CTCF: variants seen among roughly 807,000 people sequenced by gnomAD.
CTCF encodes transcriptional repressor CTCF.
In CTCF, 7 loss-of-function variants were observed where a neutral mutation model predicts 72.3. The observed-to-expected ratio is 0.10, with a 90% CI of 0.06 to 0.18. The LOEUF (loss-of-function observed/expected upper bound fraction) is 0.18, where lower values mean the gene tolerates loss of function less well. Ranked by LOEUF, CTCF falls within the 10% of genes least tolerant of loss-of-function variation. The pLI is 1.00. For synonymous variants in CTCF, 374 were observed against 315.8 expected, an observed-to-expected ratio of 1.18 and a Z score of -1.95; for missense variants, 516 against 949.1, an observed-to-expected ratio of 0.54 and a Z score of 6.00.
chr16:67,590,921 A>G (rs2051733914), intron 2 of CTCF, among the ~76,000 whole-genome samples: 1 of 140,640 alleles, frequency 7.1e-6, no homozygotes, highest in Non-Finnish European at 1.5e-5. Flanking sequence ...AGATGGCACC[A>G]TTGCACTCCA....
At chr16:67,613,238 A>G (rs1213742976) in intron 4 of CTCF, among the ~76,000 whole-genome samples, 2 of 152,218 alleles carry the variant, frequency 1.3e-5, no homozygotes, top group African/African-American at 2.4e-5. Flanking sequence ...TTTCATGCAG[A>G]ATAACTTCAT....
At chr16:67,623,116 T>C (rs2052227029) in intron 7 of CTCF, among the ~76,000 whole-genome samples, 1 of 150,240 alleles carries the variant, frequency 6.7e-6, no homozygotes, top group African/African-American at 2.5e-5. Context: ...TGCCCGCCCA[T>C]GGCTAATTTT....
chr16:67,582,463 C>T (rs575671776), intron 2 of CTCF, among the ~76,000 whole-genome samples: 4 of 152,144 alleles, frequency 2.6e-5, no homozygotes, highest in South Asian at 2.1e-4. Flanking sequence ...GAGGCTGAGG[C>T]GAACGGATCG....
At chr16:67,601,242 GTGTGTGTGTGTGTTT>G (rs1296589818) in intron 2 of CTCF, among the ~76,000 whole-genome samples, 1 of 147,872 alleles carries the variant, frequency 6.8e-6, no homozygotes, top group African/African-American at 2.5e-5. Flanking sequence ...GTGTGTGTGT[GTGTGTGTGTGTGTTT>G]TGTTTTGTTT....
chr16:67,581,047 G>C (rs1037726049), intron 2 of CTCF, among the ~76,000 whole-genome samples: 2 of 152,072 alleles, frequency 1.3e-5, no homozygotes, highest in Admixed American at 1.3e-4. Context: ...TCCTGCCTCA[G>C]CCTCCCGAGA....
intron 5 of CTCF, among the ~76,000 whole-genome samples, chr16:67,618,071 AT>A (rs2052156445): frequency 6.6e-6 from 1 of 152,176 alleles, no homozygotes; most frequent in Non-Finnish European, 1.5e-5. Flanking sequence ...TTACTGTTTA[AT>A]GTCCTAGCAA....
intron 2 of CTCF, among the ~76,000 whole-genome samples, chr16:67,572,937 GCCCCCCCCCGC>G (rs2051443217): frequency 1.3e-5 from 1 of 76,596 alleles, no homozygotes; most frequent in Non-Finnish European, 2.5e-5. Flanking sequence ...GACTCTGTCT[GCCCCCCCCCGC>G]CCCCCCCCCC....
intron 2 of CTCF, among the ~76,000 whole-genome samples, chr16:67,585,430 A>G (rs1306498704): frequency 6.6e-6 from 1 of 152,234 alleles, no homozygotes; most frequent in Admixed American, 6.5e-5. Context: ...CCACATGTGC[A>G]ATGATGCATT....
At chr16:67,605,775 A>G (rs1308601371) in intron 2 of CTCF, among the ~76,000 whole-genome samples, 2 of 152,298 alleles carry the variant, frequency 1.3e-5, no homozygotes, top group East Asian at 3.9e-4. Context: ...TGTGCCAGGG[A>G]TGAGCTGGTG....
At chr16:67,628,049 C>G in intron 8 of CTCF, 1 of 223,714 alleles carries the variant, frequency 4.5e-6, no homozygotes, top group Non-Finnish European at 8.7e-6. Context: ...GAGCCAAGAT[C>G]GCGCCACTGC....
rs951262972 is a variant in CTCF, at chr16:67,629,627, G to A, written c.1837+94G>A. The A allele has an allele frequency of 6.1e-5, 77 of 1,260,154 alleles. 2 individuals carry two copies. The highest frequency in any genetic ancestry group is 6.1e-4 in the Admixed American group (25 of 41,314). 78.1% of individuals were successfully genotyped at this position (1,260,154 alleles called of 1,614,324 possible). A position where few individuals can be genotyped will look rare whatever the true frequency, so the allele number is the denominator to read the frequency against. ...TATGGATATGCTGGGATATAGAGGC[G>A]GGCACACACTCTTCCTTTCTTTAAA... On this transcript the variant is annotated intron_variant, in intron 10 of 11. Coordinates refer to ENST00000264010, the MANE Select transcript of CTCF (RefSeq NM_006565.4).
intron 2 of CTCF, among the ~76,000 whole-genome samples, chr16:67,603,164 G>A (rs548346012): frequency 2.6e-5 from 4 of 152,054 alleles, no homozygotes; most frequent in Middle Eastern, 6.8e-3. Flanking sequence ...GTCTAAGATG[G>A]GACAATAACT....
intron 7 of CTCF, among the ~76,000 whole-genome samples, 157 bp downstream of exon 7, chr16:67,621,748 C>CTTTTTTTT (rs34853932): frequency 7.4e-5 from 9 of 121,354 alleles, no homozygotes; most frequent in African/African-American, 1.7e-4. Flanking sequence ...TGCTTAGCTG[C>CTTTTTTTT]TTTTTTTTTT....
chr16:67,602,613 C>G (rs962722157), intron 2 of CTCF, among the ~76,000 whole-genome samples: 13 of 151,626 alleles, frequency 8.6e-5, no homozygotes, highest in Non-Finnish European at 1.6e-4. Flanking sequence ...AGGCCGAGGC[C>G]GGCAGATTAC....
chr16:67,638,658 C>G lies in CTCF; in HGVS notation c.*786C>G, dbSNP rs2052465703. ...GATCATGATTTCCAGCCCACGGAGC[C>G]AGCATTTGAACCTTGTATAATTAAC... On this transcript the variant is annotated 3_prime_UTR_variant, in exon 12 of 12. Transcript: ENST00000264010. 8.6e-6 allele frequency: 2 copies of G among 231,660 alleles called. No individual in the cohort carries two copies. The highest frequency in any genetic ancestry group is 1.2e-4 in the East Asian group (2 of 16,346). The allele number at this position is 231,660 out of a possible 1,614,324, so 14.4% of individuals were successfully genotyped here. A position where few individuals can be genotyped will look rare whatever the true frequency, so the allele number is the denominator to read the frequency against.
chr16:67,587,867 GTTTGT>G (rs956054014), intron 2 of CTCF, among the ~76,000 whole-genome samples: 2 of 151,950 alleles, frequency 1.3e-5, no homozygotes, highest in Admixed American at 6.6e-5. Context: ...TTTTGTTGTT[GTTTGT>G]TTTGTTTTGT....
At chr16:67,596,169 G>T (rs975760606) in intron 2 of CTCF, among the ~76,000 whole-genome samples, 1 of 152,090 alleles carries the variant, frequency 6.6e-6, no homozygotes, top group Non-Finnish European at 1.5e-5. Context: ...GGTCAGGATG[G>T]TCTCGATCTC....
At chr16:67,566,658 G>A (rs923852655) in intron 1 of CTCF, among the ~76,000 whole-genome samples, 1 of 148,816 alleles carries the variant, frequency 6.7e-6, no homozygotes. Context: ...CTCACTGCAA[G>A]CTCTACCTCC....
rs755460552 is a variant in CTCF, at chr16:67,637,696, A to G, written c.2008A>G (p.Ile670Val). The G allele has an allele frequency of 6.8e-6, 11 of 1,612,208 alleles. No individual in the cohort carries two copies. Among genetic ancestry groups the G allele is most frequent in the Admixed American group, 1.7e-5 (1 of 59,690 alleles). The change falls in exon 12 of 12, where the codon ATC (isoleucine) becomes GTC (valine). Residue 670 changes from isoleucine (I) to valine (V), a missense_variant. Transcript: ENST00000264010. ...GTGCTCTTCTTTGCCAGCAACAGCT[A>G]TCATTCAGGTTGAAGACCAGAATAC... ...NQPKQNQPTA[I>V]IQVEDQNTGA...
Sources: allele counts gnomAD v4.1 joint callset (sites outside exome capture counted in the v4.1 genomes callset), GRCh38; gene constraint gnomAD v4.1.1; transcripts MANE v1.5; gene names NCBI Gene and HGNC (gene_info 2026-07-23, HGNC 2026-07-21).